CCSER1: variants seen among roughly 807,000 people sequenced by gnomAD.
CCSER1 encodes the protein coiled-coil serine rich protein 1.
In CCSER1, 41 loss-of-function variants were observed where a neutral mutation model predicts 82.0. The ratio of observed to expected loss-of-function variants is 0.50; its 90% CI spans 0.39 to 0.65. The LOEUF is 0.65. CCSER1 is among the 30% of genes least tolerant of loss of function. The probability of loss-of-function intolerance (pLI) is 0.00; values close to 1 mark genes in which losing one functional copy is unlikely to be tolerated. For synonymous variants in CCSER1, 414 were observed against 383.9 expected (o/e 1.08, Z -0.92); for missense variants, 1,119 against 1,064.2 (o/e 1.05, Z -0.72).
intron 10 of CCSER1, among the ~76,000 whole-genome samples, chr4:91,312,524 A>G (rs187223332): frequency 1.3e-5 from 2 of 152,040 alleles, no homozygotes. Context: ...AGTGGAAAAT[A>G]GTGTTTTTCA....
At chr4:90,560,170 G>A (rs1778601676) in intron 5 of CCSER1, among the ~76,000 whole-genome samples, 1 of 152,018 alleles carries the variant, frequency 6.6e-6, no homozygotes. Context: ...TGGGAGAGAG[G>A]AGAGGAAATC....
At chr4:90,532,924 C>G (rs190395727) in intron 5 of CCSER1, among the ~76,000 whole-genome samples, 60 of 152,118 alleles carry the variant, frequency 3.9e-4, no homozygotes, top group Non-Finnish European at 6.9e-4. Flanking sequence ...TTAGATTGTA[C>G]TCCCTCCCAG....
chr4:90,411,943 T>A (rs923031272), intron 4 of CCSER1, among the ~76,000 whole-genome samples: 4 of 152,034 alleles, frequency 2.6e-5, no homozygotes, highest in Non-Finnish European at 2.9e-5. Context: ...ACAAAATCAA[T>A]GTGCAAAAAT....
intron 5 of CCSER1, among the ~76,000 whole-genome samples, chr4:90,472,737 A>G (rs1764561023): frequency 6.6e-6 from 1 of 152,192 alleles, no homozygotes; most frequent in Non-Finnish European, 1.5e-5. Flanking sequence ...ACAATTTTCA[A>G]ATATTTAATC....
intron 7 of CCSER1, among the ~76,000 whole-genome samples, chr4:90,758,666 T>C (rs1749934071): frequency 6.6e-6 from 1 of 152,226 alleles, no homozygotes; most frequent in Non-Finnish European, 1.5e-5. Context: ...TCAATGATGT[T>C]ATATAATTAT....
At chr4:91,321,383 T>C (rs1418195059) in intron 10 of CCSER1, among the ~76,000 whole-genome samples, 2 of 152,050 alleles carry the variant, frequency 1.3e-5, no homozygotes, top group Admixed American at 1.3e-4. Context: ...CTGCAATTGA[T>C]AGAAGAAACA....
intron 10 of CCSER1, among the ~76,000 whole-genome samples, chr4:91,178,722 C>T (rs1468878263): frequency 6.6e-6 from 1 of 152,048 alleles, no homozygotes; most frequent in Non-Finnish European, 1.5e-5. Context: ...GATGGGTCTC[C>T]TGTATACAGC....
intron 10 of CCSER1, among the ~76,000 whole-genome samples, chr4:91,304,614 G>A (rs1442170219): frequency 2.0e-5 from 3 of 151,964 alleles, no homozygotes; most frequent in African/African-American, 7.2e-5. Flanking sequence ...TTATAATGGA[G>A]GGCAGCCAGA....
chr4:90,533,869 A>G (rs1004571348), intron 5 of CCSER1, among the ~76,000 whole-genome samples: 7 of 152,206 alleles, frequency 4.6e-5, no homozygotes, highest in African/African-American at 1.7e-4. Flanking sequence ...CTATTACATT[A>G]CAGGTACTTG....
intron 10 of CCSER1, among the ~76,000 whole-genome samples, chr4:91,592,280 C>T (rs951050982): frequency 2.0e-5 from 3 of 152,100 alleles, no homozygotes; most frequent in African/African-American, 4.8e-5. Flanking sequence ...TATCTGATCT[C>T]GTGAGAACTC....
At chr4:90,261,338 A>C (rs1483325020) in intron 1 of CCSER1, among the ~76,000 whole-genome samples, 1 of 152,010 alleles carries the variant, frequency 6.6e-6, no homozygotes, top group Non-Finnish European at 1.5e-5. Context: ...AAAACACTTT[A>C]TCTCTTCATC....
At chr4:91,181,219 T>C (rs1293742907) in intron 10 of CCSER1, among the ~76,000 whole-genome samples, 1 of 152,214 alleles carries the variant, frequency 6.6e-6, no homozygotes, top group Non-Finnish European at 1.5e-5. Flanking sequence ...GATTTGCAAA[T>C]TGATAAATGC....
At chr4:91,272,696 A>G (rs1211517720) in intron 10 of CCSER1, among the ~76,000 whole-genome samples, 2 of 152,078 alleles carry the variant, frequency 1.3e-5, no homozygotes, top group Non-Finnish European at 2.9e-5. Context: ...GGGTTTTTCC[A>G]ATGTTATCTT....
At chr4:90,463,049 T>C (rs918932436) in intron 4 of CCSER1, among the ~76,000 whole-genome samples, 1 of 152,160 alleles carries the variant, frequency 6.6e-6, no homozygotes, top group African/African-American at 2.4e-5. Context: ...ATATGGATTA[T>C]TTTTTAAGAA....
intron 10 of CCSER1, among the ~76,000 whole-genome samples, chr4:91,547,450 T>C (rs981446485): frequency 3.3e-5 from 5 of 152,216 alleles, no homozygotes; most frequent in Non-Finnish European, 5.9e-5. Flanking sequence ...CTTTATGTAG[T>C]GCTCCTTTTG....
intron 3 of CCSER1, among the ~76,000 whole-genome samples, chr4:90,364,710 G>A (rs1181586548): frequency 6.6e-6 from 1 of 151,882 alleles, no homozygotes; most frequent in Non-Finnish European, 1.5e-5. Context: ...CAGATTGATT[G>A]CTGTAAAGAA....
chr4:90,840,304 C>A (rs1363224798), intron 8 of CCSER1, among the ~76,000 whole-genome samples: 1 of 152,056 alleles, frequency 6.6e-6, no homozygotes, highest in African/African-American at 2.4e-5. Context: ...GACAAAATAA[C>A]CATTTTCTAT....
chr4:90,816,986 T>G (rs1161649715), intron 8 of CCSER1, among the ~76,000 whole-genome samples: 1 of 152,066 alleles, frequency 6.6e-6, no homozygotes, highest in African/African-American at 2.4e-5. Flanking sequence ...AGAAGACTTA[T>G]AAACTAGTAC....
intron 10 of CCSER1, among the ~76,000 whole-genome samples, chr4:91,571,857 G>A (rs1008732708): frequency 5.9e-5 from 9 of 152,114 alleles, no homozygotes; most frequent in African/African-American, 2.2e-4. Flanking sequence ...GTGGTGGGGT[G>A]TGTATAGACT....
Sources: allele counts gnomAD v4.1 joint callset (sites outside exome capture counted in the v4.1 genomes callset), GRCh38; gene constraint gnomAD v4.1.1; transcripts MANE v1.5; gene names NCBI Gene and HGNC (gene_info 2026-07-23, HGNC 2026-07-21).